YME1L1: variants seen among roughly 807,000 people sequenced by gnomAD.
The protein encoded by YME1L1 is ATP-dependent zinc metalloprotease YME1L1.
Under a neutral mutation model 90.4 loss-of-function variants are expected in YME1L1, and 39 were observed. That is an observed-to-expected ratio of 0.43 (90% CI 0.33 to 0.56). The LOEUF (loss-of-function observed/expected upper bound fraction) is 0.56, where lower values mean the gene tolerates loss of function less well. YME1L1 is among the 20% of genes least tolerant of loss of function. YME1L1 has a pLI of 0.03. For synonymous variants in YME1L1, 284 were observed against 287.3 expected, an observed-to-expected ratio of 0.99 and a Z score of 0.12; for missense variants, 617 against 868.4, an observed-to-expected ratio of 0.71 and a Z score of 3.64.
At chr10:27,113,266 C>G (rs1330048608) in intron 18 of YME1L1, among the ~76,000 whole-genome samples, 2 of 115,412 alleles carry the variant, frequency 1.7e-5, no homozygotes, top group African/African-American at 6.2e-5. Context: ...AAAAAAAAGA[C>G]CTGCCTTCAT....
rs2056749065 is a variant in YME1L1 at position 27,110,527 on chromosome 10, G to A, written c.*1450C>T. 6.6e-6 allele frequency: 1 copy of A among 152,086 alleles called. No homozygotes were observed. The highest frequency in any genetic ancestry group is 2.4e-5 in the African/African-American group (1 of 41,406). The allele number at this position is 152,086 out of a possible 1,614,324, so 9.4% of individuals were successfully genotyped here. A position where few individuals can be genotyped will look rare whatever the true frequency, so the allele number is the denominator to read the frequency against. ...AATCTGGTTGTAATACCAATACAAT[G>A]TGTTCTAAAATAATTTTTCTATTGA... is the stretch of plus-strand genomic sequence containing the variant. On this transcript the variant is annotated 3_prime_UTR_variant, in exon 19 of 19. Transcript: ENST00000376016.
At chr10:27,115,407 G>T (rs2135839660) in intron 17 of YME1L1, among the ~76,000 whole-genome samples, 1 of 151,600 alleles carries the variant, frequency 6.6e-6, no homozygotes, top group African/African-American at 2.4e-5. Flanking sequence ...GACCTCCTGG[G>T]TTCAGAGAAT....
chr10:27,140,900 C>T (rs1355588199), intron 4 of YME1L1, among the ~76,000 whole-genome samples: 2 of 152,154 alleles, frequency 1.3e-5, no homozygotes, highest in African/African-American at 4.8e-5. Flanking sequence ...AGTTTTCATA[C>T]CCTAGGTAAC....
Position 27,116,316 on chromosome 10 carries a change from C to A in YME1L1, c.1749G>T (p.Trp583Cys). The change falls in exon 16 of 19, where the codon TGG (tryptophan) becomes TGT (cysteine). Residue 583 changes from tryptophan to cysteine, a missense_variant. Trp to Cys is a radical substitution (Grantham distance 215). Around this residue, in one of 4 missense-constraint regions of YME1L1, gnomAD observed 212 missense variants for 330.0 expected, o/e 0.64. Transcript: ENST00000376016. ...CAAGCAGCTGGGCTCTAGTTTCATTCCATCTGTCATTCTCAGGTAACAGGG... is the reference window on the plus strand; with the variant it reads ...CAAGCAGCTGGGCTCTAGTTTCATTACATCTGTCATTCTCAGGTAACAGGG... The part of the protein sequence containing the change: ...HVSLLPENDR[W>C]NETRAQLLAQ... The A allele has an allele frequency of 4.3e-6, 7 of 1,614,088 alleles. No homozygotes were observed. The South Asian group carries it at 7.7e-5, about 18-fold the overall frequency.
At chr10:27,121,044 CAAAT>C (rs1367378067) in intron 12 of YME1L1, among the ~76,000 whole-genome samples, 1 of 151,960 alleles carries the variant, frequency 6.6e-6, no homozygotes, top group African/African-American at 2.4e-5. Flanking sequence ...TGACATATAA[CAAAT>C]AAATATTTTA....
chr10:27,120,359 C>T (rs1328804805), intron 13 of YME1L1, 76 bp downstream of exon 13: 3 of 1,018,478 alleles, frequency 2.9e-6, no homozygotes, highest in African/African-American at 3.3e-5. Flanking sequence ...ATACATGTAT[C>T]ATGAAAGGAC....
intron 8 of YME1L1, among the ~76,000 whole-genome samples, chr10:27,130,581 C>T (rs1484554905): frequency 6.6e-6 from 1 of 152,188 alleles, no homozygotes; most frequent in Non-Finnish European, 1.5e-5. Context: ...CACTAAAGGC[C>T]GGGCACCGTG....
chr10:27,147,782 C>A, intron 2 of YME1L1: 1 of 1,416,318 alleles, frequency 7.1e-7, no homozygotes, highest in Non-Finnish European at 9.6e-7. Context: ...GCAGTTTCAC[C>A]AAACCCTGGC....
chr10:27,136,246 G>C lies in YME1L1; in HGVS notation c.540+30C>G, dbSNP rs373414559. The C allele has an allele frequency of 5.2e-5, 81 of 1,560,942 alleles. No individual in the cohort carries two copies. The East Asian group carries it at 5.6e-4, about 11-fold the overall frequency. On this transcript the variant is annotated intron_variant, in intron 5 of 18. Transcript: ENST00000376016. ...TCACTCTAACAACTTGAAAATATTT[G>C]CTTTTTGGATCATAAAAAGGTCTAA...
chr10:27,112,531 T>G (rs895358631), intron 18 of YME1L1, among the ~76,000 whole-genome samples: 1 of 152,196 alleles, frequency 6.6e-6, no homozygotes, highest in African/African-American at 2.4e-5. Flanking sequence ...CTGAGCTCAT[T>G]GTTCCCATTA....
At chr10:27,153,292 A>G in intron 1 of YME1L1, 1 of 469,074 alleles carries the variant, frequency 2.1e-6, no homozygotes, top group South Asian at 1.6e-5. Flanking sequence ...CTAGCACAAA[A>G]AATTAAAAAT....
chr10:27,130,731 T>C (rs2056967344), intron 8 of YME1L1, among the ~76,000 whole-genome samples: 1 of 152,212 alleles, frequency 6.6e-6, no homozygotes, highest in South Asian at 2.1e-4. Context: ...CTCGTGCCTG[T>C]AATCCCAGCT....
rs563057959 is a variant in YME1L1, at chr10:27,113,774, G to C, written c.2007+747C>G. 2.0e-5 allele frequency among the ~76,000 whole-genome samples: 3 copies of C among 150,668 alleles called. No homozygotes were observed. In the East Asian group the frequency reaches 5.9e-4, roughly 29 times the overall value. ...CCCCAGCTACTTGGGAGGTTGACTT[G>C]AGCCCAGGAGTTCAAGTCCAGCCTG... On this transcript the variant is annotated intron_variant, in intron 18 of 18. Coordinates refer to ENST00000376016, the MANE Select transcript of YME1L1 (RefSeq NM_014263.4).
chr10:27,119,680 G>A (rs1166652101), intron 13 of YME1L1, among the ~76,000 whole-genome samples: 1 of 152,088 alleles, frequency 6.6e-6, no homozygotes, highest in Non-Finnish European at 1.5e-5. Context: ...ATGGTGGCAT[G>A]CACCTGTAAT....
At position 27,126,704 on chromosome 10, in the gene YME1L1, AGTTTACCTCC is replaced by A; in HGVS notation, c.931_940del (p.Gly311PhefsTer7). ...AAGAAAAGATATCTTACCTTTTGGA[AGTTTACCTCC>A]AAGAATAGTAAATTTTTGTGGATTT... On this transcript the variant is annotated frameshift_variant, in exon 9 of 19. Coordinates refer to ENST00000376016, the MANE Select transcript of YME1L1 (RefSeq NM_014263.4). LOFTEE classifies it high-confidence loss of function. The A allele has an allele frequency of 6.5e-7, 1 of 1,531,086 alleles. No individual in the cohort carries two copies. The highest frequency in any genetic ancestry group is 8.9e-7 in the Non-Finnish European group (1 of 1,127,976). The allele number at this position is 1,531,086 out of a possible 1,614,324, so 94.8% of individuals were successfully genotyped here.
At chr10:27,148,123 A>T (rs139215501) in intron 2 of YME1L1, among the ~76,000 whole-genome samples, 139 of 151,450 alleles carry the variant, frequency 9.2e-4, no homozygotes, top group Middle Eastern at 3.4e-3. Context: ...TACTTCTTAA[A>T]TCCCTACCTA....
chr10:27,123,661 G>A lies in YME1L1; in HGVS notation c.988C>T (p.Leu330Phe), dbSNP rs1324442553. 1 of 1,613,660 alleles carries A rather than the reference G, an allele frequency of 6.2e-7. No homozygotes were observed. Among genetic ancestry groups the A allele is most frequent in the Non-Finnish European group, 8.5e-7 (1 of 1,179,764 alleles). ...TCTCCCGCCACAGCTCGGGCAAGAA[G>A]TGTCTTTCCAGTCCCTGGGGGTCCA... is the stretch of plus-strand genomic sequence containing the variant. Reference protein sequence around the residue: ...LVGPPGTGKTLLARAVAGEAD... With the variant: ...LVGPPGTGKTFLARAVAGEAD... The change falls in exon 10 of 19, where the codon CTT (leucine) becomes TTT (phenylalanine). Residue 330 changes from leucine to phenylalanine, a missense_variant. Physicochemically the swap from Leu to Phe is conservative, Grantham distance 22. Transcript: ENST00000376016.
intron 4 of YME1L1, among the ~76,000 whole-genome samples, chr10:27,141,790 G>A (rs1424928023): frequency 6.6e-6 from 1 of 152,088 alleles, no homozygotes; most frequent in African/African-American, 2.4e-5. Context: ...CTCTGGAAGT[G>A]GGGTTTTTCC....
intron 3 of YME1L1, among the ~76,000 whole-genome samples, chr10:27,145,093 A>G (rs1383457491): frequency 6.6e-6 from 1 of 152,182 alleles, no homozygotes; most frequent in Non-Finnish European, 1.5e-5. Flanking sequence ...GTGAGCGGAG[A>G]TTGTGCCACT....
Sources: gnomAD v4.1 joint callset for allele counts (sites outside exome capture counted in the v4.1 genomes callset) on GRCh38, gnomAD v4.1.1 for gene constraint, gnomAD v4.1.1 regional missense constraint, MANE v1.5 for transcripts, NCBI Gene and HGNC (gene_info 2026-07-23, HGNC 2026-07-21) for gene names.